Variants in FOXK2 observed in about 807,000 individuals in gnomAD.
FOXK2 encodes forkhead box protein K2.
In FOXK2, 24 loss-of-function variants were observed where a neutral mutation model predicts 53.3. The ratio of observed to expected loss-of-function variants is 0.45; its 90% CI spans 0.33 to 0.63. FOXK2 has a LOEUF of 0.63. FOXK2 is among the 30% of genes least tolerant of loss of function. The pLI is 0.03. For missense variants in FOXK2, 952 were observed against 910.5 expected (o/e 1.05, Z -0.59); for synonymous variants, 505 against 407.1 (o/e 1.24, Z -2.89).
intron 1 of FOXK2, among the ~76,000 whole-genome samples, chr17:82,558,760 A>G (rs1266169249): frequency 2.0e-5 from 3 of 149,294 alleles, no homozygotes; most frequent in African/African-American, 4.9e-5. Flanking sequence ...ACATCTTTAC[A>G]TCTTTTTTTT....
At chr17:82,521,442 G>T (rs1279257350) in intron 1 of FOXK2, among the ~76,000 whole-genome samples, 2 of 150,914 alleles carry the variant, frequency 1.3e-5, no homozygotes, top group Non-Finnish European at 2.9e-5. Flanking sequence ...AAAGTGCTGG[G>T]ATTACAGGCG....
intron 3 of FOXK2, among the ~76,000 whole-genome samples, chr17:82,571,505 G>A (rs2044917808): frequency 6.6e-6 from 1 of 152,134 alleles, no homozygotes; most frequent in Non-Finnish European, 1.5e-5. Context: ...GGAGGCTGAG[G>A]CAGGAGAACC....
chr17:82,576,202 C>T (rs2044983655), intron 4 of FOXK2, among the ~76,000 whole-genome samples: 1 of 20,536 alleles, frequency 4.9e-5, no homozygotes, highest in Non-Finnish European at 9.3e-5. Flanking sequence ...GGTTCGTCCA[C>T]ACCAGCGTGT....
rs115958271 is a variant in FOXK2, at chr17:82,575,353, A to G, written c.909+3483A>G. On this transcript the variant is annotated intron_variant, in intron 4 of 8. Transcript: ENST00000335255. Reference sequence around the variant, plus strand: ...ACATGCTGTAAGAATGTTTTAGTCTATTTCTAGCACACAGCATAAATTCGT... The same window carrying G: ...ACATGCTGTAAGAATGTTTTAGTCTGTTTCTAGCACACAGCATAAATTCGT... Among the ~76,000 whole-genome samples, 364 of 152,308 alleles carry G rather than the reference A, an allele frequency of 2.4e-3. 2 individuals carry two copies. Among genetic ancestry groups the G allele is most frequent in the African/African-American group, 8.4e-3 (349 of 41,574 alleles).
At chr17:82,531,014 G>C (rs1221473303) in intron 1 of FOXK2, among the ~76,000 whole-genome samples, 1 of 152,190 alleles carries the variant, frequency 6.6e-6, no homozygotes, top group Non-Finnish European at 1.5e-5. Flanking sequence ...TAAAATGTCT[G>C]TTCTGGGTCC....
At chr17:82,577,232 G>A (rs2044998780) in intron 4 of FOXK2, 8 of 1,249,578 alleles carry the variant, frequency 6.4e-6, no homozygotes, top group East Asian at 2.4e-5. Context: ...ATTCTCTTCC[G>A]TGTCTTCAAA....
At chr17:82,536,457 A>G (rs572787364) in intron 1 of FOXK2, among the ~76,000 whole-genome samples, 1 of 152,108 alleles carries the variant, frequency 6.6e-6, no homozygotes, top group African/African-American at 2.4e-5. Context: ...GGGCCCTTTT[A>G]TTTAACGACT....
chr17:82,582,123 A>T (rs1348481751), intron 4 of FOXK2, among the ~76,000 whole-genome samples: 1 of 152,174 alleles, frequency 6.6e-6, no homozygotes, highest in African/African-American at 2.4e-5. Flanking sequence ...TCTGTGCGAA[A>T]AAGTATTTTA....
rs2045409000 is a variant in FOXK2, at chr17:82,603,367, G to A, written c.*1868G>A. 6.6e-6 allele frequency: 1 copy of A among 152,242 alleles called. No homozygotes were observed. The highest frequency in any genetic ancestry group is 1.5e-5 in the Non-Finnish European group (1 of 68,058). 9.4% of individuals were successfully genotyped at this position (152,242 alleles called of 1,614,324 possible). A position where few individuals can be genotyped will look rare whatever the true frequency, so the allele number is the denominator to read the frequency against. ...CAGGATTCTGCTCTGTCCTGTGTGTGGGGTCAGCTCCCTCCACAGAGGGCT... is the reference window on the plus strand; with the variant it reads ...CAGGATTCTGCTCTGTCCTGTGTGTAGGGTCAGCTCCCTCCACAGAGGGCT... On this transcript the variant is annotated 3_prime_UTR_variant, in exon 9 of 9. Coordinates refer to ENST00000335255, the MANE Select transcript of FOXK2 (RefSeq NM_004514.4).
intron 4 of FOXK2, among the ~76,000 whole-genome samples, chr17:82,581,351 G>A (rs1006112395): frequency 6.6e-6 from 1 of 152,154 alleles, no homozygotes; most frequent in Non-Finnish European, 1.5e-5. Context: ...CCAGGCTGGA[G>A]TGCAGTGGTG....
chr17:82,568,284 C>T (rs1055359476), intron 3 of FOXK2, 83 bp downstream of exon 3: 7 of 1,509,712 alleles, frequency 4.6e-6, no homozygotes, highest in Admixed American at 3.9e-5. Flanking sequence ...CTGTCACTCA[C>T]CTGCCTGTCC....
At chr17:82,585,049 C>T (rs1239919176) in intron 6 of FOXK2, among the ~76,000 whole-genome samples, 2 of 152,264 alleles carry the variant, frequency 1.3e-5, no homozygotes, top group African/African-American at 4.8e-5. Context: ...ACAGCCCTCC[C>T]CTGCCCACTG....
chr17:82,583,496 C>T (rs1370902396), intron 5 of FOXK2, among the ~76,000 whole-genome samples: 1 of 152,134 alleles, frequency 6.6e-6, no homozygotes, highest in African/African-American at 2.4e-5. Context: ...TGCAGTGAGC[C>T]GAGATTGCGC....
At chr17:82,576,382 T>A (rs1354902357) in intron 4 of FOXK2, among the ~76,000 whole-genome samples, 1 of 152,182 alleles carries the variant, frequency 6.6e-6, no homozygotes, top group Non-Finnish European at 1.5e-5. Context: ...GAGAAGTGTC[T>A]CCTTGAGGAG....
intron 7 of FOXK2, among the ~76,000 whole-genome samples, chr17:82,586,807 G>T (rs9896512): frequency 6.6e-6 from 1 of 151,974 alleles, no homozygotes; most frequent in Non-Finnish European, 1.5e-5. Flanking sequence ...AGGCTGAGGC[G>T]GGAGAATCAC....
chr17:82,595,904 G>A (rs139258758), intron 8 of FOXK2: 9 of 1,279,826 alleles, frequency 7.0e-6, no homozygotes, highest in East Asian at 5.7e-5. Context: ...AGCCTTTTCC[G>A]GCAGCCCGGA....
At chr17:82,524,102 T>A (rs1447761803) in intron 1 of FOXK2, among the ~76,000 whole-genome samples, 1 of 152,084 alleles carries the variant, frequency 6.6e-6, no homozygotes, top group African/African-American at 2.4e-5. Flanking sequence ...TTGGCCAGGC[T>A]GGTCTCAAAC....
At chr17:82,578,254 T>G (rs2045013531) in intron 4 of FOXK2, 1 of 152,294 alleles carries the variant, frequency 6.6e-6, no homozygotes, top group Admixed American at 6.5e-5. Context: ...ACGTGAGGTC[T>G]GCTTAGGAAG....
intron 1 of FOXK2, among the ~76,000 whole-genome samples, chr17:82,540,774 C>G (rs190931518): frequency 7.9e-5 from 12 of 152,296 alleles, no homozygotes; most frequent in Admixed American, 4.6e-4. Flanking sequence ...GTCTTGAATT[C>G]TCTAATTGTT....
Sources: gnomAD v4.1 joint callset for allele counts (sites outside exome capture counted in the v4.1 genomes callset) on GRCh38, gnomAD v4.1.1 for gene constraint, MANE v1.5 for transcripts, NCBI Gene and HGNC (gene_info 2026-07-23, HGNC 2026-07-21) for gene names.